The following XIRP2 variants were observed in gnomAD, a reference collection of about 807,000 sequenced individuals.
The protein encoded by XIRP2 is xin actin-binding repeat-containing protein 2.
XIRP2 carries 236 observed loss-of-function variants against 277.0 expected under a neutral mutation model. The observed-to-expected ratio is 0.85, with a 90% CI of 0.77 to 0.95. The LOEUF is 0.95. XIRP2 is among the 40% of genes least tolerant of loss of function. The probability of loss-of-function intolerance (pLI) is 0.00; values close to 1 mark genes in which losing one functional copy is unlikely to be tolerated. For missense variants in XIRP2, 4,640 were observed against 4,157.5 expected, an observed-to-expected ratio of 1.12 and a Z score of -3.19; for synonymous variants, 1,490 against 1,416.5, an observed-to-expected ratio of 1.05 and a Z score of -1.17.
At chr2:167,122,204 C>T (rs1296438909) in intron 2 of XIRP2, among the ~76,000 whole-genome samples, 5 of 152,154 alleles carry the variant, frequency 3.3e-5, no homozygotes, top group Non-Finnish European at 5.9e-5. Context: ...TAATTGTACA[C>T]ATGCACATAG....
intron 3 of XIRP2, among the ~76,000 whole-genome samples, chr2:167,189,024 G>A (rs1219875265): frequency 6.6e-6 from 1 of 152,156 alleles, no homozygotes; most frequent in Non-Finnish European, 1.5e-5. Flanking sequence ...GAGGTTAAAA[G>A]CCCACAAGGT....
At chr2:167,107,350 T>A (rs540329418) in intron 2 of XIRP2, among the ~76,000 whole-genome samples, 1 of 151,848 alleles carries the variant, frequency 6.6e-6, no homozygotes. Context: ...TTTTCAGAGA[T>A]GCTTTTGTCA....
At chr2:167,158,430 A>T (rs1692266693) in intron 3 of XIRP2, among the ~76,000 whole-genome samples, 1 of 152,234 alleles carries the variant, frequency 6.6e-6, no homozygotes. Context: ...GAGGTAATGT[A>T]GATGTGTTTA....
intron 5 of XIRP2, among the ~76,000 whole-genome samples, chr2:167,221,324 T>C (rs7556960): frequency 0.57 from 86,240 of 151,536 alleles, 28,252 homozygotes; most frequent in African/African-American, 0.88. Context: ...ATTAGCCAGG[T>C]GTGGTGGCGT....
intron 10 of XIRP2, among the ~76,000 whole-genome samples, chr2:167,254,696 G>A (rs916397212): frequency 2.0e-5 from 3 of 151,792 alleles, no homozygotes; most frequent in Non-Finnish European, 4.4e-5. Flanking sequence ...GAATTTACCT[G>A]TCTTTGAGCT....
chr2:167,152,521 T>G (rs73017971), intron 3 of XIRP2, among the ~76,000 whole-genome samples: 15,047 of 152,172 alleles, frequency 0.099, 800 homozygotes, highest in South Asian at 0.15. Context: ...CTTTACTCGT[T>G]TTAATATGTC....
At chr2:167,227,482 T>C (rs1365833260) in intron 5 of XIRP2, among the ~76,000 whole-genome samples, 1 of 151,944 alleles carries the variant, frequency 6.6e-6, no homozygotes. Flanking sequence ...GGGAGGATCG[T>C]TTGAGGCCAG....
At chr2:167,233,709 T>C (rs1694822917) in intron 5 of XIRP2, among the ~76,000 whole-genome samples, 1 of 151,786 alleles carries the variant, frequency 6.6e-6, no homozygotes, top group African/African-American at 2.4e-5. Flanking sequence ...TAGAATATTT[T>C]ATTTTTTTTG....
At chr2:167,143,287 A>G (rs1691774557) in intron 3 of XIRP2, among the ~76,000 whole-genome samples, 1 of 152,180 alleles carries the variant, frequency 6.6e-6, no homozygotes. Flanking sequence ...GGAGATGAAC[A>G]GTGCTACAGT....
chr2:167,181,398 A>G (rs1205718416), intron 3 of XIRP2, among the ~76,000 whole-genome samples: 3 of 152,226 alleles, frequency 2.0e-5, no homozygotes, highest in Non-Finnish European at 2.9e-5. Context: ...GATAACCACA[A>G]TTGGAAATTC....
intron 2 of XIRP2, among the ~76,000 whole-genome samples, chr2:166,988,951 G>A (rs1465788963): frequency 1.7e-5 from 2 of 115,674 alleles, no homozygotes; most frequent in Non-Finnish European, 3.5e-5. Context: ...CTCGAACTGG[G>A]TGGAGCCCAC....
chr2:167,227,611 G>T (rs189180215), intron 5 of XIRP2, among the ~76,000 whole-genome samples: 1 of 152,066 alleles, frequency 6.6e-6, no homozygotes, highest in African/African-American at 2.4e-5. Flanking sequence ...GGAGGCTGAG[G>T]TGGAAGGATG....
chr2:167,135,934 G>A lies in XIRP2; in HGVS notation c.434G>A (p.Cys145Tyr). The A allele has an allele frequency of 6.2e-7, 1 of 1,602,466 alleles. No homozygotes were observed. Among genetic ancestry groups the A allele is most frequent in the Non-Finnish European group, 8.5e-7 (1 of 1,174,874 alleles). ...GKEVEIERSL[C>Y]SPAFKSHPGS... ...GAAGTGGAAATTGAGCGAAGTTTGT[G>A]CTCGCCAGCTTTTAAGAGTCACCCT... is the stretch of plus-strand genomic sequence containing the variant. Residue 145 changes from cysteine (C) to tyrosine (Y), a missense_variant, in exon 3 of 11, where the codon TGC becomes TAC. By Grantham distance (194) the Cys-to-Tyr change is radical (BLOSUM62 -2). Transcript: ENST00000409195.
intron 2 of XIRP2, among the ~76,000 whole-genome samples, chr2:167,002,172 A>G (rs568349359): frequency 4.6e-5 from 7 of 152,200 alleles, no homozygotes; most frequent in Admixed American, 3.3e-4. Flanking sequence ...CTATACAACA[A>G]TATCATTTTC....
chr2:167,000,738 A>G (rs929084487), intron 2 of XIRP2, among the ~76,000 whole-genome samples: 14 of 152,118 alleles, frequency 9.2e-5, no homozygotes, highest in African/African-American at 3.4e-4. Context: ...TTCAGGATCT[A>G]TATTCCAATT....
chr2:167,093,562 G>A (rs1004061566), intron 2 of XIRP2, among the ~76,000 whole-genome samples: 1 of 152,064 alleles, frequency 6.6e-6, no homozygotes, highest in Non-Finnish European at 1.5e-5. Flanking sequence ...GTGAGAACAT[G>A]TGGTGTTTGG....
chr2:167,244,932 A>T lies in XIRP2; in HGVS notation c.3540A>T (p.Glu1180Asp), dbSNP rs1695201204. Residue 1180 changes from glutamate to aspartate, a missense_variant, in exon 9 of 11, where the codon GAA (glutamate) becomes GAT (aspartate). By Grantham distance (45) the Glu-to-Asp change is conservative (BLOSUM62 2). Transcript: ENST00000409195. ...AAAATTTGGACAGCATACAAGGAGA[A>T]GAAGTGAAGGAAATCAAGCCTGTTG... is the stretch of plus-strand genomic sequence containing the variant. ...ETENLDSIQG[E>D]EVKEIKPVEM... 2 of 1,612,670 alleles carry T rather than the reference A, an allele frequency of 1.2e-6. No homozygotes were observed. Among genetic ancestry groups the T allele is most frequent in the Non-Finnish European group, 1.7e-6 (2 of 1,179,558 alleles).
chr2:167,227,599 C>T (rs1694642957), intron 5 of XIRP2, among the ~76,000 whole-genome samples: 1 of 151,940 alleles, frequency 6.6e-6, no homozygotes, highest in Non-Finnish European at 1.5e-5. Flanking sequence ...CCCAGCTACT[C>T]AGGAGGCTGA....
intron 2 of XIRP2, among the ~76,000 whole-genome samples, chr2:167,055,028 C>A (rs546639323): frequency 7.2e-5 from 11 of 152,278 alleles, no homozygotes; most frequent in Admixed American, 3.3e-4. Flanking sequence ...CTGTAGGGTT[C>A]TTCTGCTGTT....
Sources: allele counts gnomAD v4.1 joint callset (sites outside exome capture counted in the v4.1 genomes callset), GRCh38; gene constraint gnomAD v4.1.1; transcripts MANE v1.5; gene names NCBI Gene and HGNC (gene_info 2026-07-23, HGNC 2026-07-21).